Variants in COL4A5 observed in about 807,000 individuals in gnomAD.
COL4A5 encodes collagen type IV alpha 5 chain, also known as collagen alpha-5(IV) chain.
In COL4A5, 26 loss-of-function variants were observed where a neutral mutation model predicts 130.2. The ratio of observed to expected loss-of-function variants is 0.20; its 90% CI spans 0.15 to 0.28. The LOEUF (loss-of-function observed/expected upper bound fraction) is 0.28. Ranked by LOEUF, COL4A5 falls within the 10% of genes least tolerant of loss-of-function variation. COL4A5 has a pLI of 1.00. For missense variants in COL4A5, 1,131 were observed against 1,344.3 expected (o/e 0.84, Z 2.48); for synonymous variants, 496 against 439.6 (o/e 1.13, Z -1.60).
intron 1 of COL4A5, among the ~76,000 whole-genome samples, chrX:108,486,162 G>GTCCA (rs1028507786): frequency 9.0e-6 from 1 of 111,529 alleles, no homozygotes; most frequent in African/African-American, 3.3e-5. Context: ...TTCTCTCTCA[G>GTCCA]TCCACATGGC....
At chrX:108,662,517 T>G (rs1406322509) in intron 37 of COL4A5, among the ~76,000 whole-genome samples, 1 of 111,527 alleles carries the variant, frequency 9.0e-6, no homozygotes, top group Non-Finnish European at 1.9e-5. Context: ...CAGCAAAGTC[T>G]CAGGATACAA....
At chrX:108,629,512 T>C (rs970273229) in intron 36 of COL4A5, among the ~76,000 whole-genome samples, 4 of 110,929 alleles carry the variant, frequency 3.6e-5, no homozygotes, top group Non-Finnish European at 7.6e-5. Context: ...GGAAGATTTG[T>C]GTATGGAATA....
intron 1 of COL4A5, among the ~76,000 whole-genome samples, chrX:108,446,828 G>C (rs967650639): frequency 9.0e-6 from 1 of 111,638 alleles, no homozygotes. Flanking sequence ...TCTGTGACTG[G>C]TCACTTAAGA....
At chrX:108,487,129 C>T (rs1028208962) in intron 1 of COL4A5, among the ~76,000 whole-genome samples, 12 of 111,343 alleles carry the variant, frequency 1.1e-4, no homozygotes, top group South Asian at 3.8e-4. Flanking sequence ...TGGTGGCTCA[C>T]GCCTGTAATC....
chrX:108,516,375 T>A (rs1463838914), intron 1 of COL4A5, among the ~76,000 whole-genome samples: 1 of 112,087 alleles, frequency 8.9e-6, no homozygotes, highest in Admixed American at 9.5e-5. Flanking sequence ...GGTACTGTGG[T>A]CTTTTTGTTT....
chrX:108,590,228 A>T (rs1489485927), intron 19 of COL4A5, among the ~76,000 whole-genome samples: 1 of 111,376 alleles, frequency 9.0e-6, no homozygotes, highest in Non-Finnish European at 1.9e-5. Context: ...ACTTAAAGAG[A>T]ATATGTGTGC....
intron 19 of COL4A5, among the ~76,000 whole-genome samples, chrX:108,588,881 T>C (rs2066383889): frequency 1.8e-5 from 2 of 111,553 alleles, no homozygotes; most frequent in African/African-American, 6.5e-5. Context: ...TGTATTACAT[T>C]AAACTATCAT....
At chrX:108,560,303 A>G (rs1230569882) in intron 3 of COL4A5, among the ~76,000 whole-genome samples, 1 of 112,062 alleles carries the variant, frequency 8.9e-6, no homozygotes, top group Non-Finnish European at 1.9e-5. Context: ...CTACTTTGCC[A>G]GTTTTCATTG....
At position 108,580,788 on chromosome X, in the gene COL4A5, G is replaced by A. The variant is rs139844632; in HGVS notation, c.891+50G>A. ...CTTTGCAAAAAAATTCTAAATGTGTGTGTGTGTGATTTTATTCTTTCTTCC... is the reference window on the plus strand; with the variant it reads ...CTTTGCAAAAAAATTCTAAATGTGTATGTGTGTGATTTTATTCTTTCTTCC... On this transcript the variant is annotated intron_variant, in intron 15 of 52. Transcript: ENST00000328300. 270 of 1,089,322 alleles carry A rather than the reference G, an allele frequency of 2.5e-4. No individual in the cohort carries two copies. In the African/African-American group the frequency reaches 4.5e-3, roughly 18 times the overall value. The allele number at this position is 1,089,322 out of a possible 1,213,427, so 89.8% of individuals were successfully genotyped here.
intron 47 of COL4A5, 79 bp from the exon 48 acceptor site, chrX:108,685,952 G>C: frequency 1.2e-6 from 1 of 862,109 alleles, no homozygotes; most frequent in Non-Finnish European, 1.7e-6. Flanking sequence ...TCAGTGTCTC[G>C]AGAACCTTAT....
Position 108,695,086 on chromosome X carries a change from A to C in COL4A5, c.4821+165A>C, listed in dbSNP as rs752405079. 1.0e-5 allele frequency: 7 copies of C among 679,718 alleles called. No homozygotes were observed. In the South Asian group the frequency reaches 1.7e-4, roughly 16 times the overall value. The allele number at this position is 679,718 out of a possible 1,213,427, so 56.0% of individuals were successfully genotyped here. A position where few individuals can be genotyped will look rare whatever the true frequency, so the allele number is the denominator to read the frequency against. ...CCCCCTCACACATTTTTTGTAACAT[A>C]TTTTCATAATCTGCCTATTACTTTT... On this transcript the variant is annotated intron_variant, in intron 51 of 52. Transcript: ENST00000328300.
chrX:108,546,766 C>G (rs769959743), intron 2 of COL4A5, among the ~76,000 whole-genome samples: 8,082 of 111,258 alleles, frequency 0.073, 756 homozygotes, highest in African/African-American at 0.25. Flanking sequence ...TAGATTTGGT[C>G]TTTTCACATA....
chrX:108,447,941 A>C (rs1402759578), intron 1 of COL4A5, among the ~76,000 whole-genome samples: 1 of 111,801 alleles, frequency 8.9e-6, no homozygotes, highest in African/African-American at 3.3e-5. Flanking sequence ...TTAGAGAAAC[A>C]CCTTCAGTGT....
intron 36 of COL4A5, among the ~76,000 whole-genome samples, chrX:108,629,390 T>C (rs1268900153): frequency 1.8e-5 from 2 of 111,461 alleles, no homozygotes; most frequent in Non-Finnish European, 3.8e-5. Context: ...AAACCAGTTA[T>C]GGTGATATTT....
In COL4A5 at chrX:108,571,901, A is replaced by G. The variant is rs371752800; in HGVS notation, c.465+64A>G. The G allele has an allele frequency of 2.2e-4, 193 of 858,627 alleles. No homozygotes were observed. The African/African-American group carries it at 3.4e-3, about 15-fold the overall frequency. The allele number at this position is 858,627 out of a possible 1,213,427, so 70.8% of individuals were successfully genotyped here. On this transcript the variant is annotated intron_variant, in intron 8 of 52. Transcript: ENST00000328300. ...AATATTAGGAAAGCTGGCAACTTCA[A>G]TAGGATAATGACTCAAACTTCTGTC... is the stretch of plus-strand genomic sequence containing the variant.
intron 2 of COL4A5, among the ~76,000 whole-genome samples, chrX:108,544,701 T>G (rs1448070061): frequency 9.0e-6 from 1 of 111,412 alleles, no homozygotes; most frequent in East Asian, 2.8e-4. Context: ...CTCCTCCTTG[T>G]ACCTCTGGTA....
chrX:108,606,714 G>A, intron 28 of COL4A5, 28 bp from the exon 29 acceptor site: 1 of 1,209,975 alleles, frequency 8.3e-7, no homozygotes, highest in African/African-American at 1.7e-5. Context: ...GGGAGTTTTT[G>A]TTGTGTTTTG....
chrX:108,580,882 T>C, intron 15 of COL4A5, 101 bp from the exon 16 acceptor site: 1 of 999,854 alleles, frequency 1.0e-6, no homozygotes. Context: ...GTCTACTTAA[T>C]ATAGTCCAAG....
intron 3 of COL4A5, among the ~76,000 whole-genome samples, chrX:108,562,501 T>C (rs1389931734): frequency 8.9e-6 from 1 of 112,074 alleles, no homozygotes; most frequent in Admixed American, 9.5e-5. Flanking sequence ...AATAACATGA[T>C]CATTTATAAA....
Sources: allele counts gnomAD v4.1 joint callset (sites outside exome capture counted in the v4.1 genomes callset), GRCh38; gene constraint gnomAD v4.1.1; transcripts MANE v1.5; gene names NCBI Gene and HGNC (gene_info 2026-07-23, HGNC 2026-07-21).